STAG3: variants seen among roughly 807,000 people sequenced by gnomAD.
STAG3 encodes the protein cohesin subunit SA-3.
STAG3 carries 101 observed loss-of-function variants against 160.7 expected under a neutral mutation model. The ratio of observed to expected loss-of-function variants is 0.63; its 90% CI spans 0.54 to 0.74. The LOEUF (loss-of-function observed/expected upper bound fraction) is 0.74. STAG3 is among the 30% of genes least tolerant of loss of function. The pLI, the probability that STAG3 is intolerant of heterozygous loss-of-function variation, is 0.00. For synonymous variants in STAG3, 519 were observed against 585.0 expected, an observed-to-expected ratio of 0.89 and a Z score of 1.63; for missense variants, 1,188 against 1,517.4, an observed-to-expected ratio of 0.78 and a Z score of 3.61.
intron 10 of STAG3, 83 bp from the exon 11 acceptor site, chr7:100,197,695 A>C: frequency 4.6e-6 from 5 of 1,078,230 alleles, no homozygotes; most frequent in Non-Finnish European, 5.8e-6. Flanking sequence ...GAGGGATCGG[A>C]GAGGGGAGTC....
At position 100,182,745 on chromosome 7, in the gene STAG3, G is replaced by A. The variant is rs142339148; in HGVS notation, c.242G>A (p.Gly81Glu). The A allele has an allele frequency of 1.9e-6, 3 of 1,613,770 alleles. No individual in the cohort carries two copies. The highest frequency in any genetic ancestry group is 2.5e-6 in the Non-Finnish European group (3 of 1,179,900). The change falls in exon 4 of 34, where the codon GGG (glycine) becomes GAG (glutamate). Residue 81 changes from glycine to glutamate, a missense_variant. By Grantham distance (98) the Gly-to-Glu change is moderately conservative. Transcript: ENST00000615138. ...TTPVAKHPKK[G>E]SRVVHRHSRK... The stretch of plus-strand genomic sequence containing the variant: ...TAGGTGGCAAAACATCCAAAGAAAG[G>A]GTCCCGAGTGGTACATCGTCATAGC...
At chr7:100,191,918 TG>T (rs1457116339) in intron 8 of STAG3, among the ~76,000 whole-genome samples, 7 of 152,244 alleles carry the variant, frequency 4.6e-5, no homozygotes, top group African/African-American at 1.7e-4. Context: ...CTGAATCATT[TG>T]TTGTCATTTC....
At chr7:100,208,768 TAG>T (rs1201591600) in intron 29 of STAG3, among the ~76,000 whole-genome samples, 2 of 152,238 alleles carry the variant, frequency 1.3e-5, no homozygotes, top group South Asian at 2.1e-4. Context: ...TCTCTTTCTT[TAG>T]AGAGTGTCAG....
At chr7:100,201,469 G>A in intron 21 of STAG3, 118 bp downstream of exon 21, 1 of 866,666 alleles carries the variant, frequency 1.2e-6, no homozygotes, top group Non-Finnish European at 1.9e-6. Flanking sequence ...AAGCGAGGAA[G>A]ATCAGGTGGG....
rs866024894 is a variant in STAG3, at chr7:100,182,917, T to C, written c.336+78T>C. The C allele has an allele frequency of 1.1e-5, 17 of 1,531,864 alleles. No individual in the cohort carries two copies. The Middle Eastern group carries it at 2.7e-3, about 246-fold the overall frequency. 94.9% of individuals were successfully genotyped at this position (1,531,864 alleles called of 1,614,324 possible). A position where few individuals can be genotyped will look rare whatever the true frequency, so the allele number is the denominator to read the frequency against. On this transcript the variant is annotated intron_variant, in intron 4 of 33. Transcript: ENST00000615138. ...AAGGACAAGTGTCTACAAACTTGAT[T>C]TGACGTGAACATTTTAGTGAGTGTA...
Position 100,189,544 on chromosome 7 carries a change from C to T in STAG3, c.815C>T (p.Pro272Leu). The T allele has an allele frequency of 6.2e-7, 1 of 1,614,102 alleles. No individual in the cohort carries two copies. The highest frequency in any genetic ancestry group is 8.5e-7 in the Non-Finnish European group (1 of 1,180,004). ...TATGAGGCTGAAAGAAACAAGGGGC[C>T]AGGGCAGAGGGCACCTGAGCGGCTG... is the stretch of plus-strand genomic sequence containing the variant. ...RQYEAERNKG[P>L]GQRAPERLES... Residue 272 changes from proline (P) to leucine (L), a missense_variant, in exon 8 of 34, where the codon CCA becomes CTA. Physicochemically the swap from Pro to Leu is moderately conservative, Grantham distance 98 (BLOSUM62 -3). This residue lies in a region of STAG3 where 296 missense variants were observed against 404.0 expected (regional missense o/e 0.73). Coordinates refer to ENST00000615138, the MANE Select transcript of STAG3 (RefSeq NM_001282717.2).
At position 100,186,150 on chromosome 7, in the gene STAG3, A is replaced by G. The variant is rs141575199; in HGVS notation, c.337-50A>G. The G allele has an allele frequency of 3.4e-3, 4,805 of 1,405,044 alleles. 14 individuals carry two copies. The highest frequency in any genetic ancestry group is 4.3e-3 in the Non-Finnish European group (4,260 of 990,640). 87.0% of individuals were successfully genotyped at this position (1,405,044 alleles called of 1,614,324 possible). ...ACTGGGAAGATCATATAGGATTTCT[A>G]TTCTGTCATATTGCCAGAAACAGAA... On this transcript the variant is annotated intron_variant, in intron 4 of 33. Transcript: ENST00000615138.
Position 100,198,077 on chromosome 7 carries a change from C to T in STAG3, c.1165-10C>T. 4.3e-6 allele frequency: 7 copies of T among 1,613,878 alleles called. No homozygotes were observed. Among genetic ancestry groups the T allele is most frequent in the Non-Finnish European group, 5.9e-6 (7 of 1,179,772 alleles). On this transcript the variant is annotated splice_polypyrimidine_tract_variant and intron_variant, in intron 11 of 33. Transcript: ENST00000615138. ...TAATGAGATATTGAGTGACTTTCTCCTTTCTGCAGGACCGGATGGTTTCCA... is the reference window on the plus strand; with the variant it reads ...TAATGAGATATTGAGTGACTTTCTCTTTTCTGCAGGACCGGATGGTTTCCA...
At chr7:100,205,158 G>A (rs1343191484) in intron 28 of STAG3, 25 bp downstream of exon 28, 1 of 1,613,768 alleles carries the variant, frequency 6.2e-7, no homozygotes. Context: ...GGATAGAGAT[G>A]TGGATTAGGG....
chr7:100,204,185 G>GCCA, intron 26 of STAG3, 63 bp downstream of exon 26: 1 of 1,313,510 alleles, frequency 7.6e-7, no homozygotes, highest in Non-Finnish European at 1.1e-6. Flanking sequence ...TCTACCCTCA[G>GCCA]CCACTCAGAA....
At chr7:100,184,087 G>A (rs1419344863) in intron 4 of STAG3, among the ~76,000 whole-genome samples, 1 of 152,074 alleles carries the variant, frequency 6.6e-6, no homozygotes, top group Non-Finnish European at 1.5e-5. Flanking sequence ...CCAACATGGT[G>A]AAACCCCATC....
At chr7:100,187,080 A>G (rs973554012) in intron 5 of STAG3, among the ~76,000 whole-genome samples, 5 of 151,378 alleles carry the variant, frequency 3.3e-5, no homozygotes, top group African/African-American at 9.7e-5. Flanking sequence ...TGCCCAGGCT[A>G]GAGTGCAGTG....
chr7:100,200,702 A>G, intron 18 of STAG3, 67 bp from the exon 19 acceptor site: 3 of 1,581,360 alleles, frequency 1.9e-6, no homozygotes, highest in Non-Finnish European at 2.6e-6. Context: ...ACCCCGTTCC[A>G]CTTCCCGCCA....
At chr7:100,187,103 C>G (rs1348903541) in intron 5 of STAG3, among the ~76,000 whole-genome samples, 6 of 152,018 alleles carry the variant, frequency 3.9e-5, no homozygotes, top group African/African-American at 1.5e-4. Context: ...ATGATCTCGG[C>G]TCACTGCAAC....
chr7:100,208,097 A>G (rs1257648794), intron 29 of STAG3, among the ~76,000 whole-genome samples: 1 of 152,092 alleles, frequency 6.6e-6, no homozygotes, highest in Non-Finnish European at 1.5e-5. Context: ...ACCTGGGCGA[A>G]AGAGCGAGAT....
rs1311860030 is a variant in STAG3 at position 100,202,493 on chromosome 7, A to G, written c.2603A>G (p.His868Arg). 2.5e-6 allele frequency: 4 copies of G among 1,614,152 alleles called. No individual in the cohort carries two copies. The highest frequency in any genetic ancestry group is 1.7e-6 in the Non-Finnish European group (2 of 1,180,012). Reference sequence around the variant, plus strand: ...GATCATTTACAGATAGAGCGGCTACACCAGCGGCGCCGCCTCCTAGCCGGG... The same window carrying G: ...GATCATTTACAGATAGAGCGGCTACGCCAGCGGCGCCGCCTCCTAGCCGGG... Reference protein sequence around the residue: ...QEDHLQIERLHQRRRLLAGFC... With the variant: ...QEDHLQIERLRQRRRLLAGFC... The change falls in exon 25 of 34, where the codon CAC (histidine) becomes CGC (arginine). Residue 868 changes from histidine to arginine, a missense_variant. Physicochemically the swap from His to Arg is conservative, Grantham distance 29. Transcript: ENST00000615138.
rs781438032 is a variant in STAG3 at position 100,210,991 on chromosome 7, T to C, written c.3239-20T>C. 8 of 1,609,626 alleles carry C rather than the reference T, an allele frequency of 5.0e-6. No homozygotes were observed. Among genetic ancestry groups the C allele is most frequent in the Non-Finnish European group, 6.8e-6 (8 of 1,178,220 alleles). On this transcript the variant is annotated intron_variant, in intron 29 of 33. Transcript: ENST00000615138. ...GTCGCAGGCCCTGGGCTGTGGTTAA[T>C]GTATGCATCTGCTTGGCAGGGCCTG...
chr7:100,182,799 A>G lies in STAG3; in HGVS notation c.296A>G (p.Asp99Gly). 6.2e-7 allele frequency: 1 copy of G among 1,613,984 alleles called. No individual in the cohort carries two copies. The highest frequency in any genetic ancestry group is 1.1e-5 in the South Asian group (1 of 91,066). Residue 99 changes from aspartate (D) to glycine (G), a missense_variant, in exon 4 of 34, where the codon GAT (aspartate) becomes GGT (glycine). Around this residue, in one of 4 missense-constraint regions of STAG3, gnomAD observed 296 missense variants for 404.0 expected, o/e 0.73. Transcript: ENST00000615138. ...SRKQSEPPAN[D>G]LFNAVKAAKS... is the part of the protein sequence containing the mutation. ...AAACAGTCAGAGCCACCAGCCAATGATCTTTTCAATGCTGTGAAAGCCGCC... is the reference window on the plus strand; with the variant it reads ...AAACAGTCAGAGCCACCAGCCAATGGTCTTTTCAATGCTGTGAAAGCCGCC...
chr7:100,204,082 G>T lies in STAG3; in HGVS notation c.2762G>T (p.Arg921Leu), dbSNP rs747309208. The T allele has an allele frequency of 6.2e-7, 1 of 1,614,044 alleles. No individual in the cohort carries two copies. Among genetic ancestry groups the T allele is most frequent in the Non-Finnish European group, 8.5e-7 (1 of 1,179,992 alleles). ...TTAACTAGAGCAAGGCAGATTGACC[G>T]AAGTCATTGTTCCCGAATCCTGCTG... ...ETLTRARQIDRSHCSRILLLS... is the reference protein window; with the variant it reads ...ETLTRARQIDLSHCSRILLLS... Residue 921 changes from arginine to leucine, a missense_variant, in exon 26 of 34, where the codon CGA becomes CTA. This residue lies in a region of STAG3 where 647 missense variants were observed against 717.2 expected (regional missense o/e 0.90). Transcript: ENST00000615138.
Sources: gnomAD v4.1 joint callset for allele counts (sites outside exome capture counted in the v4.1 genomes callset) on GRCh38, gnomAD v4.1.1 for gene constraint, gnomAD v4.1.1 regional missense constraint, MANE v1.5 for transcripts, NCBI Gene and HGNC (gene_info 2026-07-23, HGNC 2026-07-21) for gene names.